Variants in GPC6 observed in about 807,000 individuals in gnomAD.
The protein encoded by GPC6 is glypican-6.
GPC6 carries 14 observed loss-of-function variants against 55.2 expected under a neutral mutation model. The ratio of observed to expected loss-of-function variants is 0.25; its 90% CI spans 0.17 to 0.40. The LOEUF (loss-of-function observed/expected upper bound fraction) is 0.40, where lower values mean the gene tolerates loss of function less well. Among genes scored for constraint, GPC6 ranks in the 10% least tolerant of loss-of-function variants. The pLI is 1.00. For synonymous variants in GPC6, 278 were observed against 259.6 expected (o/e 1.07, Z -0.68); for missense variants, 641 against 708.5 (o/e 0.90, Z 1.08).
intron 2 of GPC6, among the ~76,000 whole-genome samples, chr13:93,720,395 TG>T (rs1883412509): frequency 6.6e-6 from 1 of 152,114 alleles, no homozygotes; most frequent in South Asian, 2.1e-4. Context: ...TTTGTATTTC[TG>T]TGGGATCAGT....
intron 2 of GPC6, among the ~76,000 whole-genome samples, chr13:93,779,594 A>G (rs1181121018): frequency 6.6e-6 from 1 of 152,152 alleles, no homozygotes; most frequent in Non-Finnish European, 1.5e-5. Context: ...GGGTTCTGTG[A>G]TTCAATTTCA....
intron 1 of GPC6, among the ~76,000 whole-genome samples, chr13:93,431,486 G>A (rs1267069502): frequency 6.6e-6 from 1 of 152,090 alleles, no homozygotes; most frequent in Non-Finnish European, 1.5e-5. Flanking sequence ...ACAACTTTAT[G>A]TAATATTTCA....
At chr13:93,514,345 C>T (rs542238605) in intron 1 of GPC6, among the ~76,000 whole-genome samples, 3 of 152,240 alleles carry the variant, frequency 2.0e-5, no homozygotes, top group Non-Finnish European at 4.4e-5. Flanking sequence ...GTTTTGCGGT[C>T]TATTTTACCT....
intron 1 of GPC6, among the ~76,000 whole-genome samples, chr13:93,298,282 ACT>A (rs773327425): frequency 8.6e-5 from 13 of 152,032 alleles, no homozygotes; most frequent in African/African-American, 2.9e-4. Context: ...TTTGTGATAA[ACT>A]CTAATCAGAG....
At chr13:94,007,567 T>C (rs1882071968) in intron 3 of GPC6, among the ~76,000 whole-genome samples, 1 of 152,244 alleles carries the variant, frequency 6.6e-6, no homozygotes, top group Non-Finnish European at 1.5e-5. Flanking sequence ...TCTTCTTTCC[T>C]ACTGCCCTAA....
At position 93,715,574 on chromosome 13, in the gene GPC6, G is replaced by A. The variant is rs145581893; in HGVS notation, c.320-114580G>A. On this transcript the variant is annotated intron_variant, in intron 2 of 8. Coordinates refer to ENST00000377047, the MANE Select transcript of GPC6 (RefSeq NM_005708.5). ...ATACCCCAAACTTCAGCGTCACACAGTATAACCAGGTAACAAACTTATACA... is the reference window on the plus strand; with the variant it reads ...ATACCCCAAACTTCAGCGTCACACAATATAACCAGGTAACAAACTTATACA... Among the ~76,000 whole-genome samples, 729 of 151,642 alleles carry A rather than the reference G, an allele frequency of 4.8e-3. 7 individuals carry two copies. Among genetic ancestry groups the A allele is most frequent in the African/African-American group, 0.017 (695 of 41,454 alleles).
chr13:93,554,066 T>G (rs995586622), intron 2 of GPC6, among the ~76,000 whole-genome samples: 1 of 151,232 alleles, frequency 6.6e-6, no homozygotes, highest in Non-Finnish European at 1.5e-5. Context: ...AAGAATCGCT[T>G]GAACCCAGAA....
chr13:94,192,901 C>T (rs1264258893), intron 4 of GPC6, among the ~76,000 whole-genome samples: 2 of 152,106 alleles, frequency 1.3e-5, no homozygotes, highest in Admixed American at 1.3e-4. Flanking sequence ...CATCAGTTTG[C>T]TGAAACCTGT....
In GPC6 at chr13:93,453,677, G is replaced by A. The variant is rs569162484; in HGVS notation, c.161-91586G>A. Among the ~76,000 whole-genome samples the A allele has an allele frequency of 4.5e-4, 68 of 151,538 alleles. 1 individual carries two copies. Among genetic ancestry groups the A allele is most frequent in the East Asian group, 2.0e-4 (1 of 5,094 alleles). On this transcript the variant is annotated intron_variant, in intron 1 of 8. Transcript: ENST00000377047. ...CTCAGGAGTGAAGCTGCAGACCTTC[G>A]CGGTGTGTGTTACAGCTCTTAAGGC...
At chr13:93,644,051 C>T (rs1285229789) in intron 2 of GPC6, among the ~76,000 whole-genome samples, 4 of 152,008 alleles carry the variant, frequency 2.6e-5, no homozygotes, top group Non-Finnish European at 5.9e-5. Context: ...ATCCCATCAG[C>T]TTGTAAGTAT....
At chr13:93,611,324 T>C (rs929363431) in intron 2 of GPC6, among the ~76,000 whole-genome samples, 11 of 152,134 alleles carry the variant, frequency 7.2e-5, no homozygotes, top group Admixed American at 2.0e-4. Flanking sequence ...CACTGTAGCA[T>C]ATTAAGGTTA....
rs146846776 is a variant in GPC6 at position 93,377,668 on chromosome 13, A to G, written c.160+150052A>G. ...GGTTCCTTGACTTCAGTTTGGTTTG[A>G]TGCAAATAAATTCTTTCATGTGTAT... On this transcript the variant is annotated intron_variant, in intron 1 of 8. Coordinates refer to ENST00000377047, the MANE Select transcript of GPC6 (RefSeq NM_005708.5). 2.2e-4 allele frequency among the ~76,000 whole-genome samples: 33 copies of G among 152,324 alleles called. 1 individual carries two copies. The East Asian group carries it at 6.4e-3, about 29-fold the overall frequency.
chr13:93,730,612 C>T (rs1883789428), intron 2 of GPC6, among the ~76,000 whole-genome samples: 1 of 152,134 alleles, frequency 6.6e-6, no homozygotes, highest in South Asian at 2.1e-4. Flanking sequence ...CATCTGATGG[C>T]TCCTCTGGTT....
intron 3 of GPC6, among the ~76,000 whole-genome samples, chr13:93,874,401 A>G (rs952093379): frequency 1.3e-5 from 2 of 151,786 alleles, no homozygotes; most frequent in African/African-American, 4.8e-5. Flanking sequence ...ATGGCTGCAT[A>G]GCATTCCGTG....
intron 6 of GPC6, among the ~76,000 whole-genome samples, chr13:94,311,635 C>T (rs1013131971): frequency 6.6e-6 from 1 of 152,154 alleles, no homozygotes; most frequent in African/African-American, 2.4e-5. Context: ...TGTCTAAAAT[C>T]CCTTCTTTGA....
chr13:94,179,571 A>G (rs1388762815), intron 4 of GPC6, among the ~76,000 whole-genome samples: 4 of 152,186 alleles, frequency 2.6e-5, no homozygotes, highest in African/African-American at 9.7e-5. Flanking sequence ...TAGATCTCCA[A>G]AAGTTAAAAA....
At chr13:93,513,277 C>A (rs376102495) in intron 1 of GPC6, among the ~76,000 whole-genome samples, 4 of 152,276 alleles carry the variant, frequency 2.6e-5, no homozygotes, top group South Asian at 4.1e-4. Context: ...ACCACCTCAC[C>A]TCAGTCCCCG....
intron 3 of GPC6, among the ~76,000 whole-genome samples, chr13:93,947,807 A>G (rs1018990832): frequency 6.6e-6 from 1 of 152,198 alleles, no homozygotes; most frequent in African/African-American, 2.4e-5. Context: ...GATTGTGGAA[A>G]CCTTGATAAA....
chr13:94,015,686 G>T (rs149537876), intron 3 of GPC6, among the ~76,000 whole-genome samples: 1 of 152,248 alleles, frequency 6.6e-6, no homozygotes, highest in African/African-American at 2.4e-5. Context: ...GTATGAGGTA[G>T]GGTAGGTTCC....
Sources: gnomAD v4.1 joint callset for allele counts (sites outside exome capture counted in the v4.1 genomes callset) on GRCh38, gnomAD v4.1.1 for gene constraint, MANE v1.5 for transcripts, NCBI Gene and HGNC (gene_info 2026-07-23, HGNC 2026-07-21) for gene names.